The following RMND5B variants were observed in gnomAD, a reference collection of about 807,000 sequenced individuals.
The protein encoded by RMND5B is required for meiotic nuclear division 5 homolog B.
In RMND5B, 42 loss-of-function variants were observed where a neutral mutation model predicts 50.4. That is an observed-to-expected ratio of 0.83 (90% CI 0.65 to 1.08). The LOEUF (loss-of-function observed/expected upper bound fraction) is 1.08, where lower values mean the gene tolerates loss of function less well. Among genes scored for constraint, RMND5B ranks in the 50% least tolerant of loss-of-function variants. The pLI, the probability that RMND5B is intolerant of heterozygous loss-of-function variation, is 0.00. For synonymous variants in RMND5B, 220 were observed against 210.0 expected, an observed-to-expected ratio of 1.05 and a Z score of -0.41; for missense variants, 463 against 508.5, an observed-to-expected ratio of 0.91 and a Z score of 0.86.
chr5:178,141,679 G>T (rs112152771), intron 3 of RMND5B: 1 of 151,934 alleles, frequency 6.6e-6, no homozygotes, highest in South Asian at 2.1e-4. Flanking sequence ...CTCATAACTC[G>T]GTCTCAAAAT....
rs546993666 is a variant in RMND5B at position 178,135,650 on chromosome 5, C to T, written c.-12-2458C>T. On this transcript the variant is annotated intron_variant, in intron 2 of 10. Coordinates refer to ENST00000313386, the MANE Select transcript of RMND5B (RefSeq NM_022762.5). ...CCCACTCCTTGCTACAATGCAATCC[C>T]GTACCCATCTCCTTCCTCAGCTTTG... is the stretch of plus-strand genomic sequence containing the variant. Among the ~76,000 whole-genome samples, 4 of 152,298 alleles carry T rather than the reference C, an allele frequency of 2.6e-5. No homozygotes were observed. The South Asian group carries it at 6.2e-4, about 24-fold the overall frequency.
chr5:178,147,913 G>A, intron 10 of RMND5B, 30 bp downstream of exon 10: 1 of 1,614,094 alleles, frequency 6.2e-7, no homozygotes, highest in Non-Finnish European at 8.5e-7. Flanking sequence ...CTCCACCTTG[G>A]CTTGGCTCTC....
In RMND5B at chr5:178,143,965, G is replaced by C. The variant is rs774421063; in HGVS notation, c.551G>C (p.Arg184Pro). Residue 184 changes from arginine (R) to proline (P), a missense_variant, in exon 7 of 11, where the codon CGC (arginine) becomes CCC (proline). Physicochemically the swap from Arg to Pro is moderately radical, Grantham distance 103. Coordinates refer to ENST00000313386, the MANE Select transcript of RMND5B (RefSeq NM_022762.5). ...AGATGGGCCGTCTCCCACAGGCAGC[G>C]CCTGCTGGAACTCAACAGCTCCCTG... ...ALEWAVSHRQRLLELNSSLEF... is the reference protein window; with the variant it reads ...ALEWAVSHRQPLLELNSSLEF... The C allele has an allele frequency of 3.7e-6, 6 of 1,614,110 alleles. No individual in the cohort carries two copies. In the Middle Eastern group the frequency reaches 4.9e-4, roughly 133 times the overall value.
rs1198396642 is a variant in RMND5B, at chr5:178,147,641, G to A, written c.963+6G>A. ...ATCACAAGGACGAGTTACCGGTGAG[G>A]CCTGGTCTGGGGAATCGTGGGCAAG... On this transcript the variant is annotated splice_donor_region_variant and intron_variant, in intron 9 of 10. Transcript: ENST00000313386. 11 of 1,613,988 alleles carry A rather than the reference G, an allele frequency of 6.8e-6. No homozygotes were observed. The highest frequency in any genetic ancestry group is 6.7e-5 in the Admixed American group (4 of 60,002).
chr5:178,143,976 C>T lies in RMND5B; in HGVS notation c.562C>T (p.Leu188Phe). ...AVSHRQRLLELNSSLEFKLHR... is the reference protein window; with the variant it reads ...AVSHRQRLLEFNSSLEFKLHR... ...CTCCCACAGGCAGCGCCTGCTGGAACTCAACAGCTCCCTGGAGTTCAAGCT... is the reference window on the plus strand; with the variant it reads ...CTCCCACAGGCAGCGCCTGCTGGAATTCAACAGCTCCCTGGAGTTCAAGCT... Residue 188 changes from leucine to phenylalanine, a missense_variant, in exon 7 of 11, where the codon CTC becomes TTC. By Grantham distance (22) the Leu-to-Phe change is conservative. Transcript: ENST00000313386. 1.2e-6 allele frequency: 2 copies of T among 1,614,278 alleles called. No homozygotes were observed. The highest frequency in any genetic ancestry group is 1.7e-6 in the Non-Finnish European group (2 of 1,180,054).
intron 3 of RMND5B, 159 bp from the exon 4 acceptor site, chr5:178,142,424 A>G: frequency 1.2e-6 from 1 of 826,060 alleles, no homozygotes; most frequent in Non-Finnish European, 1.9e-6. Flanking sequence ...AGACAGTTAA[A>G]AAGTGGCAGG....
At chr5:178,132,512 CATAA>C (rs1288214607) in intron 2 of RMND5B, among the ~76,000 whole-genome samples, 2 of 151,790 alleles carry the variant, frequency 1.3e-5, no homozygotes, top group African/African-American at 4.8e-5. Flanking sequence ...AAAGGGAATA[CATAA>C]ATAAACACAA....
At chr5:178,134,995 A>G (rs1165739611) in intron 2 of RMND5B, among the ~76,000 whole-genome samples, 1 of 146,448 alleles carries the variant, frequency 6.8e-6, no homozygotes, top group Non-Finnish European at 1.5e-5. Flanking sequence ...AAAAAAAATT[A>G]CTGAGTTAAT....
Position 178,138,296 on chromosome 5 carries a change from C to T in RMND5B, c.139+38C>T. On this transcript the variant is annotated intron_variant, in intron 3 of 10. Coordinates refer to ENST00000313386, the MANE Select transcript of RMND5B (RefSeq NM_022762.5). This position sits in a 1 kb window ranked among gnomAD's most constrained non-coding sequence, Gnocchi z 5.1. ...CCTTGCAAGTGCCCTGCGACAGCCT[C>T]CCTGAGGACATGGGAGACCCGAAGC... 1 of 1,606,886 alleles carries T rather than the reference C, an allele frequency of 6.2e-7. No homozygotes were observed. Among genetic ancestry groups the T allele is most frequent in the Non-Finnish European group, 8.5e-7 (1 of 1,176,678 alleles).
At position 178,138,712 on chromosome 5, in the gene RMND5B, A is replaced by G. The variant is rs1178660004; in HGVS notation, c.139+454A>G. ...AAGATAATTTCAAATTTACAGACCA[A>G]TTCCAAGAATAGTATAAAGAACTGA... On this transcript the variant is annotated intron_variant, in intron 3 of 10. Transcript: ENST00000313386. The surrounding 1 kb of genome is among the most constrained non-coding windows in gnomAD (Gnocchi z 5.1). Among the ~76,000 whole-genome samples, 1 of 152,168 alleles carries G rather than the reference A, an allele frequency of 6.6e-6. No homozygotes were observed. Among genetic ancestry groups the G allele is most frequent in the Non-Finnish European group, 1.5e-5 (1 of 68,038 alleles).
At chr5:178,133,417 A>T (rs914547568) in intron 2 of RMND5B, 4 of 151,940 alleles carry the variant, frequency 2.6e-5, no homozygotes, top group Non-Finnish European at 4.4e-5. Context: ...GTGTTTTTTT[A>T]AATTTGAGAC....
At chr5:178,147,506 A>C in intron 8 of RMND5B, 27 bp from the exon 9 acceptor site, 1 of 1,601,734 alleles carries the variant, frequency 6.2e-7, no homozygotes, top group South Asian at 1.1e-5. Flanking sequence ...GATCTGAGCC[A>C]CTCTAGCCCC....
chr5:178,133,224 C>T (rs1758430127), intron 2 of RMND5B, among the ~76,000 whole-genome samples: 1 of 152,118 alleles, frequency 6.6e-6, no homozygotes, highest in African/African-American at 2.4e-5. Context: ...CTTCCTTTCT[C>T]CTTACACAGG....
In RMND5B at chr5:178,147,571, A is replaced by C; in HGVS notation, c.899A>C (p.Asn300Thr). The C allele has an allele frequency of 6.2e-7, 1 of 1,614,158 alleles. No homozygotes were observed. The highest frequency in any genetic ancestry group is 2.2e-5 in the East Asian group (1 of 44,884). Residue 300 changes from asparagine to threonine, a missense_variant, in exon 9 of 11, where the codon AAC becomes ACC. By Grantham distance (65) the Asn-to-Thr change is moderately conservative. Coordinates refer to ENST00000313386, the MANE Select transcript of RMND5B (RefSeq NM_022762.5). ...TGTGTGGCGCTGCCTGTGTTGATGA[A>C]CATCAAGGCTGTGATTGAGCAGCGG... ...SGCVALPVLM[N>T]IKAVIEQRQC...
intron 7 of RMND5B, among the ~76,000 whole-genome samples, chr5:178,145,289 A>G (rs531658330): frequency 1.6e-4 from 24 of 152,124 alleles, no homozygotes; most frequent in African/African-American, 4.8e-4. Flanking sequence ...GATCGAGACC[A>G]TCCTGGCCAA....
At chr5:178,145,673 G>A (rs1175904977) in intron 7 of RMND5B, among the ~76,000 whole-genome samples, 1 of 152,102 alleles carries the variant, frequency 6.6e-6, no homozygotes, top group African/African-American at 2.4e-5. Context: ...CCAAAGTGCT[G>A]GGATTATAGG....
Position 178,142,904 on chromosome 5 carries a change from G to C in RMND5B, c.338G>C (p.Arg113Pro), listed in dbSNP as rs373641380. Residue 113 changes from arginine (R) to proline (P), a missense_variant, in exon 5 of 11, where the codon CGG becomes CCG. Physicochemically the swap from Arg to Pro is moderately radical, Grantham distance 103. Transcript: ENST00000313386. Reference sequence around the variant, plus strand: ...GTGTCAGATGCGGTGTGGGACGCGCGGGAACAGCAGCAGCAGATCCTGCAG... The same window carrying C: ...GTGTCAGATGCGGTGTGGGACGCGCCGGAACAGCAGCAGCAGATCCTGCAG... Reference protein sequence around the residue: ...GVVSDAVWDAREQQQQILQMA... With the variant: ...GVVSDAVWDAPEQQQQILQMA... 1.9e-6 allele frequency: 3 copies of C among 1,614,090 alleles called. No homozygotes were observed. The highest frequency in any genetic ancestry group is 2.7e-5 in the African/African-American group (2 of 74,938).
chr5:178,139,299 G>A (rs897117162), intron 3 of RMND5B, among the ~76,000 whole-genome samples: 14 of 150,568 alleles, frequency 9.3e-5, no homozygotes, highest in South Asian at 2.1e-4. Flanking sequence ...TCCACCTCCC[G>A]GGTTCAAGCA....
At chr5:178,134,921 T>G (rs939287213) in intron 2 of RMND5B, among the ~76,000 whole-genome samples, 7 of 147,464 alleles carry the variant, frequency 4.7e-5, no homozygotes, top group African/African-American at 1.5e-4. Context: ...AGGTTGCCAG[T>G]GAGCCAAGAT....
Sources: gnomAD v4.1 joint callset for allele counts (sites outside exome capture counted in the v4.1 genomes callset) on GRCh38, gnomAD v4.1.1 for gene constraint, Gnocchi (gnomAD v3.1) non-coding constraint, MANE v1.5 for transcripts, NCBI Gene and HGNC (gene_info 2026-07-23, HGNC 2026-07-21) for gene names.